Variants in EPHA5 observed in about 807,000 individuals in gnomAD.
EPHA5 encodes EPH receptor A5, also known as ephrin type-A receptor 5.
A neutral mutation model predicts 105.0 loss-of-function variants in EPHA5; 60 were observed. That is an observed-to-expected ratio of 0.57 (90% CI 0.46 to 0.71). The LOEUF (loss-of-function observed/expected upper bound fraction) is 0.71, where lower values mean the gene tolerates loss of function less well. Among genes scored for constraint, EPHA5 ranks in the 30% least tolerant of loss-of-function variants. EPHA5 has a pLI of 0.00. For synonymous variants in EPHA5, 513 were observed against 449.1 expected (o/e 1.14, Z -1.80); for missense variants, 1,218 against 1,274.7 (o/e 0.96, Z 0.68).
rs535180712 is a variant in EPHA5 at position 65,374,591 on chromosome 4, G to A, written c.1794-7167C>T. ...GAACGGTTTTGAAACAACGTTCTTC[G>A]GAACGCTAAATTTCCACAAGTTATC... On this transcript the variant is annotated intron_variant, in intron 8 of 16. Coordinates refer to ENST00000613740, the MANE Select transcript of EPHA5 (RefSeq NM_001281766.3). Among the ~76,000 whole-genome samples the A allele has an allele frequency of 1.6e-3, 245 of 151,882 alleles. 6 individuals are homozygous for A. Among genetic ancestry groups the A allele is most frequent in the Non-Finnish European group, 5.5e-4 (37 of 67,884 alleles).
intron 1 of EPHA5, among the ~76,000 whole-genome samples, chr4:65,648,192 C>T (rs28475066): frequency 0.056 from 8,526 of 152,248 alleles, 315 homozygotes; most frequent in South Asian, 0.094. Flanking sequence ...CTCAACTTCA[C>T]ACATTCTAAT....
chr4:65,575,650 T>C (rs1274106971), intron 3 of EPHA5, among the ~76,000 whole-genome samples: 5 of 152,122 alleles, frequency 3.3e-5, no homozygotes, highest in Non-Finnish European at 7.4e-5. Context: ...ACCTCCATCA[T>C]TCTAAGGTAG....
At chr4:65,432,672 A>C (rs987026624) in intron 5 of EPHA5, among the ~76,000 whole-genome samples, 2 of 151,996 alleles carry the variant, frequency 1.3e-5, no homozygotes, top group Non-Finnish European at 2.9e-5. Flanking sequence ...GTTTCAAGAG[A>C]TCTTCCCGCC....
Position 65,659,601 on chromosome 4 carries a change from G to A in EPHA5, c.181+9961C>T, listed in dbSNP as rs75418970. Among the ~76,000 whole-genome samples, 1,444 of 152,076 alleles carry A rather than the reference G, an allele frequency of 9.5e-3. 8 individuals carry two copies. Among genetic ancestry groups the A allele is most frequent in the East Asian group, 0.022 (114 of 5,164 alleles). ...ACCTCACATACATTTTTTAAGACTT[G>A]TTTTGAGGAAAATAAATTAATACAT... On this transcript the variant is annotated intron_variant, in intron 1 of 16. Transcript: ENST00000613740.
chr4:65,632,462 T>A (rs1030192066), intron 2 of EPHA5, among the ~76,000 whole-genome samples: 1 of 150,680 alleles, frequency 6.6e-6, no homozygotes, highest in African/African-American at 2.5e-5. Flanking sequence ...TGGCTCAGCT[T>A]AGTACAATAC....
At chr4:65,333,786 T>A (rs1000942603) in intron 15 of EPHA5, among the ~76,000 whole-genome samples, 3 of 151,574 alleles carry the variant, frequency 2.0e-5, no homozygotes, top group African/African-American at 7.3e-5. Flanking sequence ...TTCTTCTATA[T>A]CCATATGCCT....
At chr4:65,359,355 G>A (rs955261967) in intron 11 of EPHA5, among the ~76,000 whole-genome samples, 29 of 151,544 alleles carry the variant, frequency 1.9e-4, no homozygotes, top group African/African-American at 7.0e-4. Context: ...TTGTGAAGTG[G>A]AAGATATAAA....
At chr4:65,397,150 G>A (rs771837487) in intron 8 of EPHA5, among the ~76,000 whole-genome samples, 23 of 152,294 alleles carry the variant, frequency 1.5e-4, no homozygotes, top group South Asian at 1.2e-3. Flanking sequence ...AGGTCACTGC[G>A]TCCAGCCCAA....
At chr4:65,507,279 A>G (rs1184423592) in intron 3 of EPHA5, among the ~76,000 whole-genome samples, 1 of 152,046 alleles carries the variant, frequency 6.6e-6, no homozygotes, top group Non-Finnish European at 1.5e-5. Flanking sequence ...GCCTTGTAGT[A>G]TAGTTTGAAG....
intron 8 of EPHA5, among the ~76,000 whole-genome samples, chr4:65,388,950 C>T (rs919746270): frequency 6.6e-6 from 1 of 151,908 alleles, no homozygotes; most frequent in African/African-American, 2.4e-5. Context: ...GGTTTTAGGT[C>T]CATCTAAATT....
At chr4:65,530,684 G>A (rs1735685226) in intron 3 of EPHA5, among the ~76,000 whole-genome samples, 1 of 152,142 alleles carries the variant, frequency 6.6e-6, no homozygotes, top group African/African-American at 2.4e-5. Flanking sequence ...TAATTTTCTT[G>A]TTTCTGATTT....
intron 3 of EPHA5, among the ~76,000 whole-genome samples, chr4:65,546,618 C>G (rs1737398147): frequency 6.6e-6 from 1 of 151,678 alleles, no homozygotes; most frequent in Non-Finnish European, 1.5e-5. Flanking sequence ...TTTATAATTC[C>G]AGTTTTCTAA....
At chr4:65,383,174 A>G (rs915935058) in intron 8 of EPHA5, among the ~76,000 whole-genome samples, 5 of 150,240 alleles carry the variant, frequency 3.3e-5, no homozygotes, top group Admixed American at 2.0e-4. Context: ...TATATCATAT[A>G]TATGGTATAT....
intron 3 of EPHA5, among the ~76,000 whole-genome samples, chr4:65,593,152 CTCTT>C (rs1344080240): frequency 6.6e-6 from 1 of 151,970 alleles, no homozygotes; most frequent in Non-Finnish European, 1.5e-5. Flanking sequence ...AAATATGTAA[CTCTT>C]AAGTCATAAT....
chr4:65,573,895 C>T, intron 3 of EPHA5: 1 of 1,610,986 alleles, frequency 6.2e-7, no homozygotes, highest in Non-Finnish European at 8.5e-7. Context: ...GCCAGCATTA[C>T]CCCCGGGACC....
intron 6 of EPHA5, among the ~76,000 whole-genome samples, chr4:65,419,988 C>T (rs1182506532): frequency 6.6e-6 from 1 of 152,008 alleles, no homozygotes; most frequent in Non-Finnish European, 1.5e-5. Context: ...ACTACAGTGC[C>T]AGATGTTTGC....
At chr4:65,348,292 A>G (rs554554846) in intron 13 of EPHA5, 89 bp from the exon 14 acceptor site, 2 of 1,201,436 alleles carry the variant, frequency 1.7e-6, no homozygotes, top group Admixed American at 4.8e-5. Flanking sequence ...CTAGACAGAG[A>G]TGTAGCATTT....
At chr4:65,388,409 G>C (rs1424823050) in intron 8 of EPHA5, among the ~76,000 whole-genome samples, 2 of 151,538 alleles carry the variant, frequency 1.3e-5, no homozygotes, top group East Asian at 4.0e-4. Flanking sequence ...TTCCACAATG[G>C]TTGAACTAGT....
At chr4:65,650,960 C>G (rs1338950107) in intron 1 of EPHA5, among the ~76,000 whole-genome samples, 1 of 152,064 alleles carries the variant, frequency 6.6e-6, no homozygotes. Flanking sequence ...GTTTGTTTGT[C>G]TCTCTATTTT....
Sources: gnomAD v4.1 joint callset for allele counts (sites outside exome capture counted in the v4.1 genomes callset) on GRCh38, gnomAD v4.1.1 for gene constraint, MANE v1.5 for transcripts, NCBI Gene and HGNC (gene_info 2026-07-23, HGNC 2026-07-21) for gene names.